NAALADL2: variants seen among roughly 807,000 people sequenced by gnomAD.
NAALADL2 encodes N-acetylated alpha-linked acidic dipeptidase like 2, also known as inactive N-acetylated-alpha-linked acidic dipeptidase-like protein 2.
Under a neutral mutation model 87.2 loss-of-function variants are expected in NAALADL2, and 76 were observed. The ratio of observed to expected loss-of-function variants is 0.87; its 90% CI spans 0.72 to 1.05. The LOEUF is 1.05. NAALADL2 is among the 50% of genes least tolerant of loss of function. The pLI is 0.00. For synonymous variants in NAALADL2, 354 were observed against 331.0 expected (o/e 1.07, Z -0.75); for missense variants, 1,089 against 945.8 (o/e 1.15, Z -1.99).
intron 2 of NAALADL2, among the ~76,000 whole-genome samples, chr3:175,114,899 A>G (rs1274578424): frequency 6.6e-6 from 1 of 151,684 alleles, no homozygotes; most frequent in Admixed American, 6.6e-5. Context: ...TGGCCAAAGC[A>G]AATCACAAAA....
chr3:174,596,097 C>T (rs962576594), intron 2 of NAALADL2, among the ~76,000 whole-genome samples: 2 of 152,088 alleles, frequency 1.3e-5, no homozygotes. Flanking sequence ...ACTGCCATGA[C>T]TCTCTATAAA....
intron 13 of NAALADL2, among the ~76,000 whole-genome samples, chr3:175,797,067 G>A (rs376778784): frequency 2.0e-5 from 3 of 151,946 alleles, no homozygotes; most frequent in East Asian, 3.9e-4. Context: ...TGAGTTTGGC[G>A]CTGTTCTTTC....
chr3:174,778,823 G>A (rs1336512189), intron 3 of NAALADL2, among the ~76,000 whole-genome samples: 4 of 152,030 alleles, frequency 2.6e-5, no homozygotes, highest in Admixed American at 2.6e-4. Context: ...CTTTTCTATG[G>A]CTGCATAGTA....
In NAALADL2 at chr3:175,378,364, T is replaced by C. The variant is rs143134291; in HGVS notation, c.1090+54039T>C. ...GTTGAGAGCTGTGGGCTGAGTAAAC[T>C]AGGCACCCTCTTCGCAGGTCCTGCA... On this transcript the variant is annotated intron_variant, in intron 5 of 13. Transcript: ENST00000454872. Among the ~76,000 whole-genome samples, 48 of 152,340 alleles carry C rather than the reference T, an allele frequency of 3.2e-4. No homozygotes were observed. In the East Asian group the frequency reaches 8.9e-3, roughly 28 times the overall value.
At chr3:174,795,319 T>C (rs1182870630) in intron 3 of NAALADL2, among the ~76,000 whole-genome samples, 1 of 152,022 alleles carries the variant, frequency 6.6e-6, no homozygotes, top group Non-Finnish European at 1.5e-5. Context: ...ATTTTTAATA[T>C]GATTATTTAA....
intron 3 of NAALADL2, among the ~76,000 whole-genome samples, chr3:174,765,261 G>A (rs1004276824): frequency 6.6e-6 from 1 of 151,944 alleles, no homozygotes; most frequent in Non-Finnish European, 1.5e-5. Context: ...AAATTGGGAA[G>A]GTTATTTAAA....
chr3:174,798,060 G>A (rs964338561), intron 3 of NAALADL2, among the ~76,000 whole-genome samples: 2 of 152,132 alleles, frequency 1.3e-5, no homozygotes, highest in Admixed American at 1.3e-4. Context: ...GACCAACTGT[G>A]TTCTCTAACA....
chr3:174,711,280 C>T (rs1730601156), intron 2 of NAALADL2, among the ~76,000 whole-genome samples: 1 of 152,144 alleles, frequency 6.6e-6, no homozygotes, highest in Non-Finnish European at 1.5e-5. Flanking sequence ...ACATTGGAAG[C>T]CACATTTTGA....
chr3:175,074,759 A>G (rs1390336109), intron 1 of NAALADL2, among the ~76,000 whole-genome samples: 1 of 152,028 alleles, frequency 6.6e-6, no homozygotes, highest in Non-Finnish European at 1.5e-5. Flanking sequence ...GGGAGAGTGG[A>G]TAGGAACGTG....
intron 2 of NAALADL2, among the ~76,000 whole-genome samples, chr3:175,098,242 C>T (rs1721486784): frequency 6.6e-6 from 1 of 152,018 alleles, no homozygotes; most frequent in South Asian, 2.1e-4. Flanking sequence ...CATGATACTT[C>T]CCAATGTAAA....
At position 175,527,804 on chromosome 3, in the gene NAALADL2, G is replaced by A. The variant is rs1733610019; in HGVS notation, c.1654-48237G>A. Among the ~76,000 whole-genome samples the A allele has an allele frequency of 2.6e-5, 4 of 152,102 alleles. No homozygotes were observed. In the South Asian group the frequency reaches 8.3e-4, roughly 32 times the overall value. On this transcript the variant is annotated intron_variant, in intron 9 of 13. Transcript: ENST00000454872. ...ATAAGTCATTATATGCATTATACATGCATATTTGTTATATCACATACACAT... is the reference window on the plus strand; with the variant it reads ...ATAAGTCATTATATGCATTATACATACATATTTGTTATATCACATACACAT...
chr3:175,451,630 A>G (rs1721591351), intron 6 of NAALADL2, among the ~76,000 whole-genome samples: 1 of 152,186 alleles, frequency 6.6e-6, no homozygotes, highest in Admixed American at 6.5e-5. Context: ...TGAAAAATAT[A>G]AATGAATCAA....
intron 1 of NAALADL2, among the ~76,000 whole-genome samples, chr3:174,516,785 T>G (rs183807999): frequency 5.5e-4 from 83 of 152,064 alleles, no homozygotes. Flanking sequence ...ATTTTTCACT[T>G]AAAAGAAAAT....
chr3:174,734,211 A>T (rs897418942), intron 2 of NAALADL2, among the ~76,000 whole-genome samples: 1 of 152,118 alleles, frequency 6.6e-6, no homozygotes, highest in South Asian at 2.1e-4. Flanking sequence ...GTGATTTCCA[A>T]TCCTCCTCAT....
At chr3:174,987,493 C>A (rs979826858) in intron 1 of NAALADL2, among the ~76,000 whole-genome samples, 61 of 120,476 alleles carry the variant, frequency 5.1e-4, no homozygotes, top group South Asian at 8.9e-4. Flanking sequence ...GGCGTGAACC[C>A]GGGAGGCGGA....
intron 3 of NAALADL2, among the ~76,000 whole-genome samples, chr3:174,806,405 A>G (rs1719499441): frequency 6.6e-6 from 1 of 152,164 alleles, no homozygotes; most frequent in African/African-American, 2.4e-5. Context: ...TGGATGTGGG[A>G]GACCCAAGGC....
At chr3:174,824,861 C>T (rs1254266016) in intron 3 of NAALADL2, among the ~76,000 whole-genome samples, 1 of 152,014 alleles carries the variant, frequency 6.6e-6, no homozygotes, top group African/African-American at 2.4e-5. Context: ...ATATGTAACT[C>T]ATCAAAAAAA....
intron 1 of NAALADL2, among the ~76,000 whole-genome samples, chr3:174,537,624 G>A (rs1721849207): frequency 6.6e-6 from 1 of 152,138 alleles, no homozygotes; most frequent in Admixed American, 6.6e-5. Flanking sequence ...GCGACAGCAT[G>A]GAATACAGTA....
intron 12 of NAALADL2, among the ~76,000 whole-genome samples, chr3:175,747,019 A>T (rs1746017841): frequency 6.6e-6 from 1 of 152,196 alleles, no homozygotes; most frequent in Non-Finnish European, 1.5e-5. Context: ...CTATGTAAAT[A>T]GTTGTTATAC....
Sources: gnomAD v4.1 joint callset for allele counts (sites outside exome capture counted in the v4.1 genomes callset) on GRCh38, gnomAD v4.1.1 for gene constraint, MANE v1.5 for transcripts, NCBI Gene and HGNC (gene_info 2026-07-23, HGNC 2026-07-21) for gene names.